Variants in UBXN2B observed in about 807,000 individuals in gnomAD.
UBXN2B encodes the protein UBX domain protein 2B.
Under a neutral mutation model 37.5 loss-of-function variants are expected in UBXN2B, and 19 were observed. The ratio of observed to expected loss-of-function variants is 0.51; its 90% confidence interval spans 0.35 to 0.74. UBXN2B has a LOEUF of 0.74. Among genes scored for constraint, UBXN2B ranks in the 30% least tolerant of loss-of-function variants. The pLI, the probability that UBXN2B is intolerant of heterozygous loss-of-function variation, is 0.01. For missense variants in UBXN2B, 370 were observed against 393.2 expected (o/e 0.94, Z 0.50); for synonymous variants, 145 against 143.8 (o/e 1.01, Z -0.06).
intron 1 of UBXN2B, among the ~76,000 whole-genome samples, chr8:58,412,265 G>T (rs1190169603): frequency 2.0e-5 from 3 of 152,166 alleles, no homozygotes; most frequent in African/African-American, 7.2e-5. Context: ...TCATTCTAAT[G>T]TGAACAAACC....
chr8:58,439,003 T>C (rs964017615), intron 5 of UBXN2B, among the ~76,000 whole-genome samples: 1 of 152,102 alleles, frequency 6.6e-6, no homozygotes, highest in Non-Finnish European at 1.5e-5. Context: ...GCTGGTTGTT[T>C]AATAGCCTGG....
rs550981203 is a variant in UBXN2B at position 58,450,372 on chromosome 8, C to T, written c.*2821C>T. On this transcript the variant is annotated 3_prime_UTR_variant, in exon 8 of 8. Transcript: ENST00000399598. ...GTCATCACTTAAAAGTTCTGCTTTA[C>T]ACATAACGGCAGGACACAACTCAGC... 6.6e-6 allele frequency: 1 copy of T among 152,318 alleles called. No individual in the cohort carries two copies. The highest frequency in any genetic ancestry group is 1.9e-4 in the East Asian group (1 of 5,184). The allele number at this position is 152,318 out of a possible 1,614,324, so 9.4% of individuals were successfully genotyped here. A position where few individuals can be genotyped will look rare whatever the true frequency, so the allele number is the denominator to read the frequency against.
chr8:58,417,146 C>T (rs1035032267), intron 2 of UBXN2B, among the ~76,000 whole-genome samples, 193 bp downstream of exon 2: 2 of 152,046 alleles, frequency 1.3e-5, no homozygotes, highest in Non-Finnish European at 2.9e-5. Flanking sequence ...AAAACTTTTA[C>T]AATCAGAAAG....
intron 2 of UBXN2B, among the ~76,000 whole-genome samples, chr8:58,419,362 G>T (rs144951026): frequency 6.6e-6 from 1 of 152,012 alleles, no homozygotes; most frequent in Non-Finnish European, 1.5e-5. Flanking sequence ...CTCCTTGGGC[G>T]GTATTTGAAA....
chr8:58,426,688 T>G (rs1202373365), intron 2 of UBXN2B: 1 of 719,166 alleles, frequency 1.4e-6, no homozygotes, highest in Non-Finnish European at 2.6e-6. Context: ...AATGTCATGT[T>G]CCTCCCACAT....
In UBXN2B at chr8:58,437,956, C is replaced by A. The variant is rs568327897; in HGVS notation, c.534-1677C>A. ...TTCAGAGACCTTTAAGGCAGCCCCC[C>A]CCCCAACCCCCATCACAGGCCCAGA... is the stretch of plus-strand genomic sequence containing the variant. On this transcript the variant is annotated intron_variant, in intron 5 of 7. Transcript: ENST00000399598. 2.3e-3 allele frequency among the ~76,000 whole-genome samples: 348 copies of A among 151,564 alleles called. 2 individuals carry two copies. The highest frequency in any genetic ancestry group is 8.1e-3 in the African/African-American group (335 of 41,382).
Position 58,416,827 on chromosome 8 carries a change from G to GT in UBXN2B, c.85-22dup, listed in dbSNP as rs779143523. ...GAGGTTATTCCTAGTGTTATACTTT[G>GT]TAACAAGCCTGTTATTATGTAGTTG... is the stretch of plus-strand genomic sequence containing the variant. On this transcript the variant is annotated intron_variant, in intron 1 of 7. Coordinates refer to ENST00000399598, the MANE Select transcript of UBXN2B (RefSeq NM_001077619.2). The GT allele has an allele frequency of 3.9e-5, 63 of 1,600,358 alleles. No individual in the cohort carries two copies. The East Asian group carries it at 1.4e-3, about 35-fold the overall frequency.
intron 2 of UBXN2B, among the ~76,000 whole-genome samples, chr8:58,422,804 T>C (rs1807962003): frequency 6.6e-6 from 1 of 152,184 alleles, no homozygotes; most frequent in Non-Finnish European, 1.5e-5. Flanking sequence ...TTGGCAAAAA[T>C]CATTCAGGAA....
At chr8:58,423,079 AATC>A (rs35213875) in intron 2 of UBXN2B, among the ~76,000 whole-genome samples, 67,010 of 148,824 alleles carry the variant, frequency 0.45, 15,447 homozygotes, top group Admixed American at 0.56. Context: ...GGTGAGACGA[AATC>A]ATCATCATCA....
At chr8:58,430,782 T>G in intron 3 of UBXN2B, 113 bp downstream of exon 3, 1 of 851,234 alleles carries the variant, frequency 1.2e-6, no homozygotes, top group East Asian at 3.4e-5. Flanking sequence ...TTTTAAATAT[T>G]TGTTTCATTT....
At chr8:58,447,076 G>A (rs1469190527) in intron 7 of UBXN2B, among the ~76,000 whole-genome samples, 5 of 151,802 alleles carry the variant, frequency 3.3e-5, no homozygotes, top group Admixed American at 1.3e-4. Flanking sequence ...TGGAATTACA[G>A]GCGTAAGCCA....
At chr8:58,436,248 T>G (rs1046007678) in intron 5 of UBXN2B, among the ~76,000 whole-genome samples, 1 of 152,206 alleles carries the variant, frequency 6.6e-6, no homozygotes, top group Non-Finnish European at 1.5e-5. Context: ...CAAAGTACAA[T>G]CTTCCCTCAC....
chr8:58,433,283 C>T (rs2129604281), intron 4 of UBXN2B, 40 bp downstream of exon 4: 10 of 1,483,250 alleles, frequency 6.7e-6, no homozygotes, highest in Non-Finnish European at 9.2e-6. Context: ...TAAATATTTG[C>T]TTCTAGTTAC....
chr8:58,433,193 T>A lies in UBXN2B; in HGVS notation c.373T>A (p.Ser125Thr), dbSNP rs1333561780. Reference sequence around the variant, plus strand: ...AGGTGGAGGATACAGATTGGGTAGTTCTTTTTGTAAGCGGTCTGAATATAT... The same window carrying A: ...AGGTGGAGGATACAGATTGGGTAGTACTTTTTGTAAGCGGTCTGAATATAT... The part of the protein sequence containing the change: ...FTGGGYRLGS[S>T]FCKRSEYIYG... The change falls in exon 4 of 8, where the codon TCT becomes ACT. Residue 125 changes from serine to threonine, a missense_variant. Ser to Thr is a moderately conservative substitution (Grantham distance 58). This residue lies in a region of UBXN2B where 197 missense variants were observed against 170.2 expected (regional missense o/e 1.16). Coordinates refer to ENST00000399598, the MANE Select transcript of UBXN2B (RefSeq NM_001077619.2). 1.2e-6 allele frequency: 2 copies of A among 1,613,290 alleles called. No individual in the cohort carries two copies.
intron 2 of UBXN2B, among the ~76,000 whole-genome samples, chr8:58,422,756 A>G (rs1160777456): frequency 6.6e-6 from 1 of 152,214 alleles, no homozygotes; most frequent in Non-Finnish European, 1.5e-5. Context: ...TCACAAGATC[A>G]GTTTCCCCAA....
intron 2 of UBXN2B, chr8:58,425,211 A>G (rs1041983854): frequency 5.8e-6 from 6 of 1,029,120 alleles, no homozygotes; most frequent in South Asian, 5.0e-5. Flanking sequence ...TTTCTCTGAT[A>G]TTCCTAACAC....
At chr8:58,413,940 C>T (rs1807707534) in intron 1 of UBXN2B, among the ~76,000 whole-genome samples, 1 of 151,156 alleles carries the variant, frequency 6.6e-6, no homozygotes. Context: ...CCTCAGCCCG[C>T]CACACACATG....
Position 58,446,162 on chromosome 8 carries a change from A to G in UBXN2B, c.833+94A>G, listed in dbSNP as rs1381387648. On this transcript the variant is annotated intron_variant, in intron 7 of 7. Transcript: ENST00000399598. ...GTATGTGACTTGAGTAATGAAGAAT[A>G]TGATATTCTTTAGGTTTACTTTTGA... The G allele has an allele frequency of 4.7e-6, 6 of 1,286,566 alleles. No individual in the cohort carries two copies. The African/African-American group carries it at 6.1e-5, about 13-fold the overall frequency. The allele number at this position is 1,286,566 out of a possible 1,614,324, so 79.7% of individuals were successfully genotyped here.
intron 2 of UBXN2B, chr8:58,424,810 TA>T: frequency 6.9e-7 from 1 of 1,447,144 alleles, no homozygotes; most frequent in Non-Finnish European, 9.7e-7. Flanking sequence ...TGTTTCAGTA[TA>T]ATGCTGGACC....
Sources: gnomAD v4.1 joint callset for allele counts (sites outside exome capture counted in the v4.1 genomes callset) on GRCh38, gnomAD v4.1.1 for gene constraint, gnomAD v4.1.1 regional missense constraint, MANE v1.5 for transcripts, NCBI Gene and HGNC (gene_info 2026-07-23, HGNC 2026-07-21) for gene names.